The following NXPH2 variants were observed in gnomAD, a reference collection of about 807,000 sequenced individuals.
NXPH2 encodes the protein neurexophilin-2.
Under a neutral mutation model 19.8 loss-of-function variants are expected in NXPH2, and 5 were observed. The ratio of observed to expected loss-of-function variants is 0.25; its 90% CI spans 0.13 to 0.53. The LOEUF is 0.53. Among genes scored for constraint, NXPH2 ranks in the 20% least tolerant of loss-of-function variants. The probability of loss-of-function intolerance (pLI) is 0.96; values close to 1 mark genes in which losing one functional copy is unlikely to be tolerated. For missense variants in NXPH2, 289 were observed against 322.8 expected (o/e 0.90, Z 0.80); for synonymous variants, 154 against 127.4 (o/e 1.21, Z -1.41).
Position 138,745,352 on chromosome 2 carries a change from T to C in NXPH2, c.51+34839A>G, listed in dbSNP as rs62163219. Among the ~76,000 whole-genome samples, 388 of 152,276 alleles carry C rather than the reference T, an allele frequency of 2.5e-3. 2 individuals carry two copies. Among genetic ancestry groups the C allele is most frequent in the South Asian group, 7.3e-3 (35 of 4,822 alleles). ...CATACGAGTGTCAACTTGCCTACCT[T>C]CTCTCAAAGACATACATGGATATGG... On this transcript the variant is annotated intron_variant, in intron 1 of 1. Transcript: ENST00000272641.
chr2:138,737,538 A>T (rs1681570348), intron 1 of NXPH2, among the ~76,000 whole-genome samples: 1 of 152,206 alleles, frequency 6.6e-6, no homozygotes, highest in Non-Finnish European at 1.5e-5. Context: ...GTGGGGACAC[A>T]GCCTAACCAA....
chr2:138,746,815 C>T (rs914830701), intron 1 of NXPH2, among the ~76,000 whole-genome samples: 1 of 152,126 alleles, frequency 6.6e-6, no homozygotes, highest in Non-Finnish European at 1.5e-5. Context: ...GTTCCCACTG[C>T]CACCACATAC....
At chr2:138,732,350 C>G (rs1681465276) in intron 1 of NXPH2, among the ~76,000 whole-genome samples, 1 of 152,190 alleles carries the variant, frequency 6.6e-6, no homozygotes, top group Non-Finnish European at 1.5e-5. Context: ...ACATCCAGCA[C>G]TGGAAGAGTA....
chr2:138,714,761 T>C (rs1402126602), intron 1 of NXPH2, among the ~76,000 whole-genome samples: 1 of 152,224 alleles, frequency 6.6e-6, no homozygotes, highest in African/African-American at 2.4e-5. Flanking sequence ...AACGGATTCA[T>C]GCAAAAGAAC....
At position 138,669,882 on chromosome 2, in the gene NXPH2, C is replaced by A. The variant is rs1680390184; in HGVS notation, c.*1040G>T. On this transcript the variant is annotated 3_prime_UTR_variant, in exon 2 of 2. Transcript: ENST00000272641. The stretch of plus-strand genomic sequence containing the variant: ...ATTAGAAATGTTTAAATATAACTCT[C>A]TATTTCCACATAGAGTTTGATCTCT... Among the ~76,000 whole-genome samples the A allele has an allele frequency of 1.3e-5, 2 of 152,186 alleles. No homozygotes were observed. Among genetic ancestry groups the A allele is most frequent in the South Asian group, 4.1e-4 (2 of 4,834 alleles).
chr2:138,763,097 A>T lies in NXPH2; in HGVS notation c.51+17094T>A, dbSNP rs1053486970. ...TAAAATAAAAATCTGATACAGGATG[A>T]TTGGAATTGGAAAAGACAGTAAGAT... On this transcript the variant is annotated intron_variant, in intron 1 of 1. Coordinates refer to ENST00000272641, the MANE Select transcript of NXPH2 (RefSeq NM_007226.3). Among the ~76,000 whole-genome samples, 3 of 152,212 alleles carry T rather than the reference A, an allele frequency of 2.0e-5. 1 individual carries two copies. The East Asian group carries it at 5.8e-4, about 29-fold the overall frequency.
intron 1 of NXPH2, among the ~76,000 whole-genome samples, chr2:138,765,884 CAATTTT>C (rs1682081713): frequency 1.3e-5 from 2 of 152,202 alleles, no homozygotes; most frequent in African/African-American, 4.8e-5. Context: ...TTGCCAATTT[CAATTTT>C]ATTTGCTGTC....
intron 1 of NXPH2, among the ~76,000 whole-genome samples, chr2:138,719,135 TA>T (rs1386552540): frequency 1.3e-5 from 2 of 152,176 alleles, no homozygotes; most frequent in Admixed American, 1.3e-4. Flanking sequence ...AAAGATTACT[TA>T]AATAACTCAA....
chr2:138,767,400 C>T (rs1232437525), intron 1 of NXPH2, among the ~76,000 whole-genome samples: 1 of 152,240 alleles, frequency 6.6e-6, no homozygotes, highest in East Asian at 1.9e-4. Flanking sequence ...TGAGGATTTC[C>T]CCAAATGGAG....
At chr2:138,695,873 G>C (rs1295513331) in intron 1 of NXPH2, among the ~76,000 whole-genome samples, 4 of 152,144 alleles carry the variant, frequency 2.6e-5, no homozygotes, top group Non-Finnish European at 5.9e-5. Flanking sequence ...GACAAGGACA[G>C]GCATAGTGGC....
chr2:138,679,943 C>G (rs1680547673), intron 1 of NXPH2, among the ~76,000 whole-genome samples: 1 of 152,142 alleles, frequency 6.6e-6, no homozygotes, highest in East Asian at 1.9e-4. Context: ...AGTGGAGTGT[C>G]CCAATCAAAT....
intron 1 of NXPH2, among the ~76,000 whole-genome samples, chr2:138,762,542 C>T (rs757091362): frequency 2.0e-5 from 3 of 152,134 alleles, no homozygotes; most frequent in Non-Finnish European, 4.4e-5. Flanking sequence ...TGGTCACATG[C>T]CTTCACCATA....
At chr2:138,676,001 G>A (rs910532631) in intron 1 of NXPH2, among the ~76,000 whole-genome samples, 1 of 150,844 alleles carries the variant, frequency 6.6e-6, no homozygotes, top group Admixed American at 6.6e-5. Context: ...CTATATAAAA[G>A]CACTTTTTTT....
At chr2:138,765,248 C>T (rs1366951324) in intron 1 of NXPH2, among the ~76,000 whole-genome samples, 1 of 152,182 alleles carries the variant, frequency 6.6e-6, no homozygotes, top group African/African-American at 2.4e-5. Context: ...GGTACAGAAG[C>T]CTATGTGCAG....
At chr2:138,769,931 T>C (rs1320673362) in intron 1 of NXPH2, among the ~76,000 whole-genome samples, 1 of 152,170 alleles carries the variant, frequency 6.6e-6, no homozygotes, top group Non-Finnish European at 1.5e-5. Flanking sequence ...AGGGCGCAAA[T>C]TCACAGTGTG....
At chr2:138,725,451 T>C (rs1289815795) in intron 1 of NXPH2, among the ~76,000 whole-genome samples, 4 of 152,196 alleles carry the variant, frequency 2.6e-5, no homozygotes. Flanking sequence ...GGTGAATCCA[T>C]AAAGTTAGGA....
intron 1 of NXPH2, among the ~76,000 whole-genome samples, chr2:138,744,216 T>C (rs969492889): frequency 1.6e-4 from 25 of 152,120 alleles, no homozygotes; most frequent in African/African-American, 5.8e-4. Context: ...GTACTTTCCT[T>C]TTTAAGAATG....
intron 1 of NXPH2, among the ~76,000 whole-genome samples, chr2:138,688,114 A>G (rs377691169): frequency 8.2e-4 from 125 of 152,162 alleles, no homozygotes; most frequent in African/African-American, 2.9e-3. Context: ...CATTGAATCT[A>G]TAAGTTACCT....
At chr2:138,684,212 G>C (rs551195992) in intron 1 of NXPH2, among the ~76,000 whole-genome samples, 1 of 152,150 alleles carries the variant, frequency 6.6e-6, no homozygotes, top group South Asian at 2.1e-4. Flanking sequence ...CAAGTATTGA[G>C]AGGCAGCAAT....
Sources: gnomAD v4.1 joint callset for allele counts (sites outside exome capture counted in the v4.1 genomes callset) on GRCh38, gnomAD v4.1.1 for gene constraint, MANE v1.5 for transcripts, NCBI Gene and HGNC (gene_info 2026-07-23, HGNC 2026-07-21) for gene names.